Variants in EMCN observed in about 807,000 individuals in gnomAD.
The protein encoded by EMCN is endomucin, also known as MUC-14.
A neutral mutation model predicts 38.4 loss-of-function variants in EMCN; 37 were observed. The observed-to-expected ratio is 0.96, with a 90% confidence interval of 0.74 to 1.27. The LOEUF is 1.27. Ranked by LOEUF, EMCN falls within the 50% of genes most tolerant of loss-of-function variation. EMCN has a pLI of 0.00. For synonymous variants in EMCN, 95 were observed against 100.8 expected, an observed-to-expected ratio of 0.94 and a Z score of 0.35; for missense variants, 318 against 302.8, an observed-to-expected ratio of 1.05 and a Z score of -0.37.
intron 3 of EMCN, among the ~76,000 whole-genome samples, chr4:100,469,299 C>A (rs544718654): frequency 1.3e-5 from 2 of 152,152 alleles, no homozygotes; most frequent in East Asian, 3.9e-4. Flanking sequence ...AAGATAGGGG[C>A]AAATCTCCTT....
At chr4:100,438,326 A>T (rs919612797) in intron 5 of EMCN, among the ~76,000 whole-genome samples, 2 of 152,094 alleles carry the variant, frequency 1.3e-5, no homozygotes, top group African/African-American at 4.8e-5. Context: ...ATCAGAATGT[A>T]ACCCCATGGT....
chr4:100,406,521 A>T (rs79416976), intron 11 of EMCN, among the ~76,000 whole-genome samples: 4,067 of 152,194 alleles, frequency 0.027, 194 homozygotes, highest in African/African-American at 0.091. Context: ...AGATTATTTA[A>T]TATCCACTTA....
intron 11 of EMCN, among the ~76,000 whole-genome samples, chr4:100,405,029 G>A (rs1726355835): frequency 6.6e-6 from 1 of 152,022 alleles, no homozygotes; most frequent in Non-Finnish European, 1.5e-5. Flanking sequence ...TGTTGTTGGT[G>A]TATAGAAATG....
At chr4:100,453,110 G>C (rs184962827) in intron 4 of EMCN, among the ~76,000 whole-genome samples, 1 of 151,860 alleles carries the variant, frequency 6.6e-6, no homozygotes, top group Non-Finnish European at 1.5e-5. Flanking sequence ...TTCAGGACTA[G>C]GCAAGGACTT....
chr4:100,408,617 T>C (rs2116991), intron 11 of EMCN, among the ~76,000 whole-genome samples: 137,309 of 152,180 alleles, frequency 0.9, 61,975 homozygotes, highest in South Asian at 0.96. Flanking sequence ...TAGCCATGCT[T>C]CCCCTCAGTG....
intron 1 of EMCN, chr4:100,486,775 C>A (rs1295398486): frequency 1.2e-6 from 1 of 840,538 alleles, no homozygotes; most frequent in Non-Finnish European, 1.4e-6. Context: ...CAGAAAACAA[C>A]AATATCTGCA....
chr4:100,398,769 C>T (rs1578384616), intron 11 of EMCN, among the ~76,000 whole-genome samples: 1 of 152,094 alleles, frequency 6.6e-6, no homozygotes, highest in Non-Finnish European at 1.5e-5. Flanking sequence ...TCTATTCTGC[C>T]TCTTCATCTT....
intron 8 of EMCN, among the ~76,000 whole-genome samples, chr4:100,417,405 A>T (rs926398759): frequency 1.3e-5 from 2 of 152,190 alleles, no homozygotes; most frequent in African/African-American, 2.4e-5. Flanking sequence ...GTAGTTTCAT[A>T]TCACTATGTG....
chr4:100,486,982 G>A (rs1728959660), intron 1 of EMCN: 1 of 985,162 alleles, frequency 1.0e-6, no homozygotes, highest in Non-Finnish European at 1.2e-6. Flanking sequence ...TTAGTATAAG[G>A]AGTCATTTTA....
chr4:100,428,465 T>C (rs889220977), intron 5 of EMCN, among the ~76,000 whole-genome samples: 2 of 152,210 alleles, frequency 1.3e-5, no homozygotes, highest in Non-Finnish European at 2.9e-5. Context: ...CTTATGCCTT[T>C]TAACTTACTA....
intron 5 of EMCN, among the ~76,000 whole-genome samples, chr4:100,441,797 G>C (rs928930516): frequency 7.9e-5 from 12 of 151,994 alleles, no homozygotes; most frequent in African/African-American, 2.9e-4. Context: ...CTCACAATTT[G>C]CTTTTGATGT....
At chr4:100,416,828 T>G (rs1334528098) in intron 9 of EMCN, among the ~76,000 whole-genome samples, 1 of 152,176 alleles carries the variant, frequency 6.6e-6, no homozygotes, top group Non-Finnish European at 1.5e-5. Flanking sequence ...ACTGGGAAAC[T>G]ATTTTAAAAC....
chr4:100,441,333 T>G (rs1013222426), intron 5 of EMCN, among the ~76,000 whole-genome samples: 1 of 152,174 alleles, frequency 6.6e-6, no homozygotes, highest in South Asian at 2.1e-4. Context: ...TAGCTACTCC[T>G]TCTCTCTTTA....
At chr4:100,468,063 C>T (rs188122379) in intron 3 of EMCN, among the ~76,000 whole-genome samples, 10 of 152,112 alleles carry the variant, frequency 6.6e-5, no homozygotes, top group African/African-American at 1.4e-4. Context: ...ATGTTTAAAT[C>T]GTAGCTTTTG....
intron 1 of EMCN, among the ~76,000 whole-genome samples, chr4:100,502,675 A>C (rs1045478552): frequency 7.9e-5 from 12 of 152,226 alleles, no homozygotes; most frequent in Admixed American, 2.0e-4. Context: ...TTATTCTCAC[A>C]AAATGCTAAC....
chr4:100,410,496 G>A (rs1256358026), intron 10 of EMCN, 141 bp from the exon 11 acceptor site: 1 of 754,272 alleles, frequency 1.3e-6, no homozygotes, highest in African/African-American at 1.8e-5. Context: ...TTTGCCTCTT[G>A]GTATTGTCTA....
intron 1 of EMCN, among the ~76,000 whole-genome samples, chr4:100,505,895 T>G (rs967373630): frequency 1.3e-5 from 2 of 152,166 alleles, no homozygotes; most frequent in African/African-American, 4.8e-5. Context: ...GTATTCTAAT[T>G]TCTAATTGAT....
At chr4:100,515,296 G>T (rs1381587910) in intron 1 of EMCN, among the ~76,000 whole-genome samples, 2 of 152,082 alleles carry the variant, frequency 1.3e-5, no homozygotes, top group Non-Finnish European at 2.9e-5. Context: ...TTAAACGCCA[G>T]GGTAGGGGTC....
intron 5 of EMCN, among the ~76,000 whole-genome samples, chr4:100,431,789 C>T (rs1390541444): frequency 6.6e-6 from 1 of 151,848 alleles, no homozygotes; most frequent in Non-Finnish European, 1.5e-5. Flanking sequence ...CCCCATCCCT[C>T]TATCTATTTC....
Sources: allele counts gnomAD v4.1 joint callset (sites outside exome capture counted in the v4.1 genomes callset), GRCh38; gene constraint gnomAD v4.1.1; transcripts MANE v1.5; gene names NCBI Gene and HGNC (gene_info 2026-07-23, HGNC 2026-07-21).